The following CRTC1 variants were observed in gnomAD, a reference collection of about 807,000 sequenced individuals.
CRTC1 encodes the protein CREB regulated transcription coactivator 1.
CRTC1 carries 18 observed loss-of-function variants against 66.1 expected under a neutral mutation model. That is an observed-to-expected ratio of 0.27 (90% CI 0.19 to 0.40). The LOEUF is 0.40. Among genes scored for constraint, CRTC1 ranks in the 10% least tolerant of loss-of-function variants. The pLI is 1.00. For missense variants in CRTC1, 669 were observed against 887.9 expected (o/e 0.75, Z 3.13); for synonymous variants, 416 against 398.8 (o/e 1.04, Z -0.51).
In CRTC1 at chr19:18,768,452, GC is replaced by G. The variant is rs2054783676; in HGVS notation, c.1012-30del. 7.5e-6 allele frequency: 12 copies of G among 1,593,652 alleles called. No homozygotes were observed. Among genetic ancestry groups the G allele is most frequent in the African/African-American group, 1.4e-5 (1 of 73,984 alleles). Reference sequence around the variant, plus strand: ...AGGGGGCCAGGCGCTGACAACCAGGGCCCGCCCTGCCTGACGCTCTCCTCTC... The same window carrying G: ...AGGGGGCCAGGCGCTGACAACCAGGGCCGCCCTGCCTGACGCTCTCCTCTC... On this transcript the variant is annotated intron_variant, in intron 9 of 13. Coordinates refer to ENST00000321949, the MANE Select transcript of CRTC1 (RefSeq NM_015321.3). The surrounding 1 kb of genome is among the most constrained non-coding windows in gnomAD (Gnocchi z 5.6).
intron 11 of CRTC1, among the ~76,000 whole-genome samples, chr19:18,772,365 C>T (rs1025474653): frequency 3.3e-5 from 5 of 152,136 alleles, no homozygotes; most frequent in Non-Finnish European, 5.9e-5. Flanking sequence ...AACATCCAGC[C>T]GCCAACTTTT....
chr19:18,749,581 G>A (rs1002311225), intron 4 of CRTC1, among the ~76,000 whole-genome samples, 200 bp from the exon 5 acceptor site: 2 of 152,174 alleles, frequency 1.3e-5, no homozygotes, highest in Non-Finnish European at 2.9e-5. Context: ...TGTTTTTCAC[G>A]AGCTTTGCAG....
intron 1 of CRTC1, among the ~76,000 whole-genome samples, chr19:18,699,978 C>T (rs2145524268): frequency 6.6e-6 from 1 of 152,176 alleles, no homozygotes; most frequent in African/African-American, 2.4e-5. Flanking sequence ...GGGCTTGTGA[C>T]AGACTGAGCC....
At chr19:18,722,248 G>C (rs971103074) in intron 1 of CRTC1, among the ~76,000 whole-genome samples, 1 of 152,244 alleles carries the variant, frequency 6.6e-6, no homozygotes, top group African/African-American at 2.4e-5. Context: ...TGGCTGGGGA[G>C]AGGAGACCTG....
At chr19:18,748,762 A>G (rs2054301469) in intron 4 of CRTC1, among the ~76,000 whole-genome samples, 2 of 151,556 alleles carry the variant, frequency 1.3e-5, no homozygotes, top group Non-Finnish European at 2.9e-5. Context: ...ACACATACAC[A>G]CACATGTTAG....
At chr19:18,723,241 G>A (rs893295802) in intron 1 of CRTC1, among the ~76,000 whole-genome samples, 10 of 152,154 alleles carry the variant, frequency 6.6e-5, no homozygotes, top group Admixed American at 5.9e-4. Context: ...GTAATTGCCC[G>A]GCCTACAATC....
intron 7 of CRTC1, 55 bp from the exon 8 acceptor site, chr19:18,759,953 G>GTCGCCAGCCCCCTGTCC: frequency 1.9e-6 from 2 of 1,051,880 alleles, no homozygotes; most frequent in Non-Finnish European, 2.8e-6. Flanking sequence ...CCCTGTCCCC[G>GTCGCCAGCCCCCTGTCC]CCGCCAGCCC....
Position 18,778,341 on chromosome 19 carries a change from T to A in CRTC1, c.*959T>A, listed in dbSNP as rs2055040444. On this transcript the variant is annotated 3_prime_UTR_variant, in exon 14 of 14. Coordinates refer to ENST00000321949, the MANE Select transcript of CRTC1 (RefSeq NM_015321.3). ...ACATTTTGGTTGTAGATGACTCGCT[T>A]AATCTTTTAAGCCAACACTTGCCTG... 4.3e-6 allele frequency: 1 copy of A among 232,830 alleles called. No homozygotes were observed. Among genetic ancestry groups the A allele is most frequent in the African/African-American group, 2.2e-5 (1 of 45,306 alleles). The allele number at this position is 232,830 out of a possible 1,614,324, so 14.4% of individuals were successfully genotyped here. A position where few individuals can be genotyped will look rare whatever the true frequency, so the allele number is the denominator to read the frequency against.
At position 18,766,198 on chromosome 19, in the gene CRTC1, G is replaced by A. The variant is rs148647239; in HGVS notation, c.1011+670G>A. On this transcript the variant is annotated intron_variant, in intron 9 of 13. Coordinates refer to ENST00000321949, the MANE Select transcript of CRTC1 (RefSeq NM_015321.3). Reference sequence around the variant, plus strand: ...GTGCAGTGGCATGATCTCGGCTCACGGCAACCTTGCTTCCTGGGTTCAAGC... The same window carrying A: ...GTGCAGTGGCATGATCTCGGCTCACAGCAACCTTGCTTCCTGGGTTCAAGC... Among the ~76,000 whole-genome samples the A allele has an allele frequency of 1.7e-3, 248 of 148,108 alleles. 2 individuals are homozygous for A. The highest frequency in any genetic ancestry group is 3.2e-3 in the Admixed American group (48 of 14,840).
In CRTC1 at chr19:18,768,027, C is replaced by A. The variant is rs2054774300; in HGVS notation, c.1012-458C>A. Among the ~76,000 whole-genome samples the A allele has an allele frequency of 6.6e-6, 1 of 152,206 alleles. No individual in the cohort carries two copies. Among genetic ancestry groups the A allele is most frequent in the African/African-American group, 2.4e-5 (1 of 41,452 alleles). ...CCTTGGTGAGGGGCCATGCTGGTAT[C>A]TCCAGCAACCCCAGCCTCTCCAGCA... On this transcript the variant is annotated intron_variant, in intron 9 of 13. Transcript: ENST00000321949. This position sits in a 1 kb window ranked among gnomAD's most constrained non-coding sequence, Gnocchi z 5.6.
intron 1 of CRTC1, among the ~76,000 whole-genome samples, chr19:18,690,853 G>T (rs2052813177): frequency 1.3e-5 from 2 of 151,718 alleles, no homozygotes; most frequent in Non-Finnish European, 2.9e-5. Context: ...GTGAAGCCCC[G>T]TCTCTACTAA....
At chr19:18,746,550 G>A (rs1009620790) in intron 3 of CRTC1, among the ~76,000 whole-genome samples, 1 of 146,686 alleles carries the variant, frequency 6.8e-6, no homozygotes, top group Non-Finnish European at 1.5e-5. Flanking sequence ...GAGTCTGAGC[G>A]GCCTCAGGTT....
chr19:18,726,462 C>A (rs1327142745), intron 1 of CRTC1, among the ~76,000 whole-genome samples: 2 of 152,110 alleles, frequency 1.3e-5, no homozygotes, highest in Admixed American at 1.3e-4. Flanking sequence ...CTGGAGGTGA[C>A]CTGGGGTTTG....
At chr19:18,759,622 T>A (rs773040574) in intron 7 of CRTC1, 31 bp downstream of exon 7, 3 of 1,606,606 alleles carry the variant, frequency 1.9e-6, no homozygotes, top group Non-Finnish European at 2.6e-6. Flanking sequence ...CCCCGCACAC[T>A]GCATCTGCTG....
At chr19:18,744,687 C>G (rs1394533795) in intron 2 of CRTC1, among the ~76,000 whole-genome samples, 1 of 152,176 alleles carries the variant, frequency 6.6e-6, no homozygotes, top group Non-Finnish European at 1.5e-5. Flanking sequence ...CCTGAGGAGC[C>G]TGTGCACTGG....
intron 9 of CRTC1, among the ~76,000 whole-genome samples, chr19:18,765,918 A>C (rs1444595009): frequency 6.6e-6 from 1 of 152,038 alleles, no homozygotes; most frequent in Non-Finnish European, 1.5e-5. Context: ...CCATGATCAC[A>C]CCACTGCACT....
In CRTC1 at chr19:18,760,274, A is replaced by AGCCTCG; in HGVS notation, c.886+47_886+48insCCTCGG. On this transcript the variant is annotated intron_variant, in intron 8 of 13. Coordinates refer to ENST00000321949, the MANE Select transcript of CRTC1 (RefSeq NM_015321.3). This position sits in a 1 kb window ranked among gnomAD's most constrained non-coding sequence, Gnocchi z 6.2. ...CCTCGGACAGAGCACTGGCTTGTGGAGACAACACGGGCATCTGCAGGATGA... is the reference window on the plus strand; with the variant it reads ...CCTCGGACAGAGCACTGGCTTGTGGAGCCTCGGACAACACGGGCATCTGCAGGATGA... The AGCCTCG allele has an allele frequency of 6.9e-7, 1 of 1,439,972 alleles. No homozygotes were observed. Among genetic ancestry groups the AGCCTCG allele is most frequent in the Non-Finnish European group, 9.5e-7 (1 of 1,055,172 alleles). 89.2% of individuals were successfully genotyped at this position (1,439,972 alleles called of 1,614,324 possible).
chr19:18,760,261 C>T lies in CRTC1; in HGVS notation c.886+33C>T, dbSNP rs1237660162. ...AGGGACACTCCGCCCTCGGACAGAG[C>T]ACTGGCTTGTGGAGACAACACGGGC... is the stretch of plus-strand genomic sequence containing the variant. On this transcript the variant is annotated intron_variant, in intron 8 of 13. Coordinates refer to ENST00000321949, the MANE Select transcript of CRTC1 (RefSeq NM_015321.3). This position sits in a 1 kb window ranked among gnomAD's most constrained non-coding sequence, Gnocchi z 6.2. 3 of 1,512,366 alleles carry T rather than the reference C, an allele frequency of 2.0e-6. No homozygotes were observed. Among genetic ancestry groups the T allele is most frequent in the Admixed American group, 3.9e-5 (2 of 51,376 alleles). 93.7% of individuals were successfully genotyped at this position (1,512,366 alleles called of 1,614,324 possible).
At chr19:18,730,113 C>T (rs927369163) in intron 1 of CRTC1, among the ~76,000 whole-genome samples, 1 of 152,172 alleles carries the variant, frequency 6.6e-6, no homozygotes, top group East Asian at 1.9e-4. Context: ...CCGGCCGTGG[C>T]TTCTGATGGC....
Sources: gnomAD v4.1 joint callset for allele counts (sites outside exome capture counted in the v4.1 genomes callset) on GRCh38, gnomAD v4.1.1 for gene constraint, Gnocchi (gnomAD v3.1) non-coding constraint, MANE v1.5 for transcripts, NCBI Gene and HGNC (gene_info 2026-07-23, HGNC 2026-07-21) for gene names.